The following HHIP variants were observed in gnomAD, a reference collection of about 807,000 sequenced individuals.
The protein encoded by HHIP is hedgehog interacting protein.
A neutral mutation model predicts 74.0 loss-of-function variants in HHIP; 12 were observed. The observed-to-expected ratio is 0.16, with a 90% CI of 0.10 to 0.26. The LOEUF (loss-of-function observed/expected upper bound fraction) is 0.26, where lower values mean the gene tolerates loss of function less well. HHIP is among the 10% of genes least tolerant of loss of function. The pLI is 1.00. For synonymous variants in HHIP, 309 were observed against 311.6 expected (o/e 0.99, Z 0.09); for missense variants, 788 against 845.0 (o/e 0.93, Z 0.84).
At chr4:144,695,734 C>G (rs1039890274) in intron 4 of HHIP, among the ~76,000 whole-genome samples, 4 of 151,674 alleles carry the variant, frequency 2.6e-5, no homozygotes, top group African/African-American at 4.8e-5. Context: ...AATTTTAGAA[C>G]AAAAATTTAG....
intron 1 of HHIP, among the ~76,000 whole-genome samples, chr4:144,651,963 C>T (rs1728439735): frequency 6.6e-6 from 1 of 151,952 alleles, no homozygotes; most frequent in African/African-American, 2.4e-5. Flanking sequence ...AAAAATTTTT[C>T]CTGGCTAAGA....
In HHIP at chr4:144,666,779, C is replaced by T. The variant is rs573246648; in HGVS notation, c.831+6941C>T. Among the ~76,000 whole-genome samples, 7 of 152,286 alleles carry T rather than the reference C, an allele frequency of 4.6e-5. No homozygotes were observed. The South Asian group carries it at 1.5e-3, about 32-fold the overall frequency. On this transcript the variant is annotated intron_variant, in intron 4 of 12. Transcript: ENST00000296575. ...CAGCATCTAGAGTCATGGATAGACACCTGGGTTCTGACCACTGTTCCTACC... is the reference window on the plus strand; with the variant it reads ...CAGCATCTAGAGTCATGGATAGACATCTGGGTTCTGACCACTGTTCCTACC...
chr4:144,692,160 C>T (rs187802628), intron 4 of HHIP, among the ~76,000 whole-genome samples: 1 of 151,986 alleles, frequency 6.6e-6, no homozygotes, highest in Admixed American at 6.6e-5. Context: ...TAAGAAAATA[C>T]CTTGTGAAGT....
chr4:144,705,427 C>T (rs1730107581), intron 4 of HHIP, among the ~76,000 whole-genome samples: 1 of 151,986 alleles, frequency 6.6e-6, no homozygotes. Flanking sequence ...TAGCTTTTTG[C>T]CATACGCTAT....
intron 10 of HHIP, chr4:144,715,750 CTGAGTAG>C (rs1730430273): frequency 6.0e-6 from 1 of 168,012 alleles, no homozygotes; most frequent in Admixed American, 6.0e-5. Flanking sequence ...GATTATACAT[CTGAGTAG>C]TTTGTGTATA....
intron 4 of HHIP, among the ~76,000 whole-genome samples, chr4:144,688,500 G>A (rs1729548083): frequency 6.6e-6 from 1 of 152,134 alleles, no homozygotes; most frequent in South Asian, 2.1e-4. Flanking sequence ...TATCTTGGAT[G>A]AGTGGGAAGT....
At chr4:144,721,175 A>G (rs1171158123) in intron 11 of HHIP, among the ~76,000 whole-genome samples, 1 of 152,176 alleles carries the variant, frequency 6.6e-6, no homozygotes, top group African/African-American at 2.4e-5. Flanking sequence ...TTTGTGGCCC[A>G]AGAAGAGAAA....
At chr4:144,671,042 A>C (rs942547005) in intron 4 of HHIP, among the ~76,000 whole-genome samples, 1 of 152,126 alleles carries the variant, frequency 6.6e-6, no homozygotes, top group East Asian at 1.9e-4. Context: ...CTGTGACCCG[A>C]GGTTGAAAAA....
At chr4:144,708,037 C>T (rs552361552) in intron 6 of HHIP, 131 bp from the exon 7 acceptor site, 51 of 956,372 alleles carry the variant, frequency 5.3e-5, no homozygotes, top group Non-Finnish European at 7.1e-5. Flanking sequence ...GCCACTGCAT[C>T]CAGCCACTTT....
chr4:144,660,021 T>TA, intron 4 of HHIP, 183 bp downstream of exon 4: 1 of 592,880 alleles, frequency 1.7e-6, no homozygotes, highest in Non-Finnish European at 3.0e-6. Context: ...AAATTTCTGT[T>TA]ATTTGTTGAC....
At chr4:144,699,780 C>T (rs1438374588) in intron 4 of HHIP, among the ~76,000 whole-genome samples, 1 of 151,072 alleles carries the variant, frequency 6.6e-6, no homozygotes, top group Non-Finnish European at 1.5e-5. Flanking sequence ...ATCACAGAAA[C>T]AAATCATGCA....
chr4:144,724,415 T>A (rs1020617788), intron 11 of HHIP, among the ~76,000 whole-genome samples: 8 of 151,962 alleles, frequency 5.3e-5, no homozygotes, highest in African/African-American at 1.9e-4. Context: ...TACTTCTATT[T>A]CTCCCCTACT....
intron 4 of HHIP, among the ~76,000 whole-genome samples, chr4:144,664,575 G>A (rs1210193215): frequency 1.3e-5 from 2 of 152,106 alleles, no homozygotes; most frequent in Non-Finnish European, 2.9e-5. Flanking sequence ...AGCAGATTGA[G>A]AAGCAATTTA....
Position 144,738,750 on chromosome 4 carries a change from C to G in HHIP, c.*793C>G, listed in dbSNP as rs558645224. The G allele has an allele frequency of 5.3e-5, 44 of 827,658 alleles. No homozygotes were observed. In the African/African-American group the frequency reaches 7.2e-4, roughly 14 times the overall value. The allele number at this position is 827,658 out of a possible 1,614,324, so 51.3% of individuals were successfully genotyped here. A position where few individuals can be genotyped will look rare whatever the true frequency, so the allele number is the denominator to read the frequency against. Reference sequence around the variant, plus strand: ...CCTAGATGAAACACCTTTACCCTGTCCTGTAAAACACTAAAGTTACATTTT... The same window carrying G: ...CCTAGATGAAACACCTTTACCCTGTGCTGTAAAACACTAAAGTTACATTTT... On this transcript the variant is annotated 3_prime_UTR_variant, in exon 13 of 13. Transcript: ENST00000296575.
At chr4:144,647,766 A>G (rs924502406) in intron 1 of HHIP, among the ~76,000 whole-genome samples, 1 of 152,206 alleles carries the variant, frequency 6.6e-6, no homozygotes, top group African/African-American at 2.4e-5. Flanking sequence ...TCTTGCCAGG[A>G]GATGCAGTCA....
rs201253278 is a variant in HHIP at position 144,706,612 on chromosome 4, A to C, written c.913A>C (p.Thr305Pro). ...KNGKLYVSYT[T>P]NQERWAIGPH... ...TGGAAAGTTGTATGTGTCCTATACC[A>C]CCAACCAAGAACGGTGGGCTATCGG... Residue 305 changes from threonine to proline, a missense_variant, in exon 5 of 13, where the codon ACC becomes CCC. By Grantham distance (38) the Thr-to-Pro change is conservative (BLOSUM62 -1). Coordinates refer to ENST00000296575, the MANE Select transcript of HHIP (RefSeq NM_022475.3). 6.2e-6 allele frequency: 10 copies of C among 1,613,760 alleles called. No homozygotes were observed. Among genetic ancestry groups the C allele is most frequent in the Non-Finnish European group, 8.5e-6 (10 of 1,179,832 alleles).
intron 6 of HHIP, 34 bp from the exon 7 acceptor site, chr4:144,708,134 T>G: frequency 6.2e-7 from 1 of 1,609,226 alleles, no homozygotes; most frequent in Non-Finnish European, 8.5e-7. Context: ...ATAATGAAAA[T>G]GTAAAACACA....
rs568710931 is a variant in HHIP at position 144,733,136 on chromosome 4, C to T, written c.1761-1605C>T. 5.3e-5 allele frequency among the ~76,000 whole-genome samples: 8 copies of T among 152,274 alleles called. No individual in the cohort carries two copies. The South Asian group carries it at 1.7e-3, about 32-fold the overall frequency. On this transcript the variant is annotated intron_variant, in intron 11 of 12. Coordinates refer to ENST00000296575, the MANE Select transcript of HHIP (RefSeq NM_022475.3). ...CATAGTCATTTAACATTTTCTCTAC[C>T]TTATCCCACCCCACCCTTACTCCCA...
At chr4:144,686,170 T>C (rs1008112929) in intron 4 of HHIP, among the ~76,000 whole-genome samples, 1 of 152,212 alleles carries the variant, frequency 6.6e-6, no homozygotes, top group Non-Finnish European at 1.5e-5. Context: ...TTGAGTAGCA[T>C]ATGAATTGGT....
Sources: allele counts gnomAD v4.1 joint callset (sites outside exome capture counted in the v4.1 genomes callset), GRCh38; gene constraint gnomAD v4.1.1; transcripts MANE v1.5; gene names NCBI Gene and HGNC (gene_info 2026-07-23, HGNC 2026-07-21).